CERK: variants seen among roughly 807,000 people sequenced by gnomAD.
CERK encodes ceramide kinase.
Under a neutral mutation model 63.4 loss-of-function variants are expected in CERK, and 39 were observed. That is an observed-to-expected ratio of 0.61 (90% confidence interval 0.48 to 0.80). The LOEUF (loss-of-function observed/expected upper bound fraction) is 0.80. Among genes scored for constraint, CERK ranks in the 30% least tolerant of loss-of-function variants. The probability of loss-of-function intolerance (pLI) is 0.00; values close to 1 mark genes in which losing one functional copy is unlikely to be tolerated. For missense variants in CERK, 670 were observed against 714.1 expected (o/e 0.94, Z 0.70); for synonymous variants, 302 against 280.0 (o/e 1.08, Z -0.78).
chr22:46,728,515 G>A (rs2082930692), intron 1 of CERK, among the ~76,000 whole-genome samples: 1 of 152,204 alleles, frequency 6.6e-6, no homozygotes, highest in Admixed American at 6.5e-5. Context: ...GCGTCTCAGA[G>A]GGCTATGAGG....
Position 46,720,071 on chromosome 22 carries a change from C to T in CERK, c.379+15G>A. On this transcript the variant is annotated intron_variant, in intron 3 of 12. Coordinates refer to ENST00000216264, the MANE Select transcript of CERK (RefSeq NM_022766.6). ...ACCACGGCCATCCTGTCTCTCAGTC[C>T]AAACACACACGTACTCAGCTTCTCC... 6.2e-7 allele frequency: 1 copy of T among 1,611,880 alleles called. No homozygotes were observed. The highest frequency in any genetic ancestry group is 8.5e-7 in the Non-Finnish European group (1 of 1,179,054).
chr22:46,730,345 C>G (rs1035614412), intron 1 of CERK, among the ~76,000 whole-genome samples: 22 of 151,680 alleles, frequency 1.5e-4, no homozygotes, highest in Non-Finnish European at 4.4e-5. Context: ...TGCTTGAACC[C>G]AGGAGGTGGA....
chr22:46,712,271 C>G lies in CERK; in HGVS notation c.402G>C (p.Leu134=). The change falls in exon 4 of 13, where the codon CTG becomes CTC. Residue 134 remains leucine, a synonymous_variant. Transcript: ENST00000216264. ...TTCCTCCAAACGGGTTGATAAATAC[C>G]AGTAAATGCTTTGGTCTGGACGCTG... ...EKLTSRPKHL[L]VFINPFGGKG... is the part of the protein sequence containing the mutation. The G allele has an allele frequency of 6.2e-7, 1 of 1,613,992 alleles. No individual in the cohort carries two copies. The highest frequency in any genetic ancestry group is 8.5e-7 in the Non-Finnish European group (1 of 1,179,912).
intron 6 of CERK, among the ~76,000 whole-genome samples, chr22:46,705,240 G>A (rs531707966): frequency 2.6e-5 from 4 of 152,374 alleles, no homozygotes; most frequent in African/African-American, 9.6e-5. Flanking sequence ...TGTGGAAGAT[G>A]CAGAGAGAGT....
chr22:46,684,675 T>C lies in CERK; in HGVS notation c.*2459A>G, dbSNP rs541194369. ...GGAAGCTAAAACTAGCCTTTCTAAG[T>C]TATCCTAAGTTTTTACTATCTAACC... On this transcript the variant is annotated 3_prime_UTR_variant, in exon 13 of 13. Coordinates refer to ENST00000216264, the MANE Select transcript of CERK (RefSeq NM_022766.6). The C allele has an allele frequency of 2.1e-4, 32 of 152,170 alleles. No homozygotes were observed. Among genetic ancestry groups the C allele is most frequent in the African/African-American group, 7.5e-4 (31 of 41,504 alleles). 9.4% of individuals were successfully genotyped at this position (152,170 alleles called of 1,614,324 possible). A position where few individuals can be genotyped will look rare whatever the true frequency, so the allele number is the denominator to read the frequency against.
chr22:46,706,955 G>T (rs2082815806), intron 6 of CERK, among the ~76,000 whole-genome samples: 1 of 152,196 alleles, frequency 6.6e-6, no homozygotes, highest in Non-Finnish European at 1.5e-5. Flanking sequence ...GCAGGTTAGA[G>T]TTGAGAGCGG....
chr22:46,716,906 G>A (rs1407057351), intron 3 of CERK, among the ~76,000 whole-genome samples: 1 of 151,652 alleles, frequency 6.6e-6, no homozygotes, highest in African/African-American at 2.4e-5. Context: ...CTGCCCTCCA[G>A]CCTGGGCAAC....
At chr22:46,703,894 C>G (rs188568608) in intron 6 of CERK, among the ~76,000 whole-genome samples, 10 of 151,348 alleles carry the variant, frequency 6.6e-5, no homozygotes, top group African/African-American at 1.9e-4. Flanking sequence ...TTCCTTGTCC[C>G]GAACACCCCC....
chr22:46,695,585 G>C (rs981332614), intron 8 of CERK, among the ~76,000 whole-genome samples: 3 of 152,246 alleles, frequency 2.0e-5, no homozygotes, highest in African/African-American at 7.2e-5. Context: ...GGCCACTCTT[G>C]ACGCTGGCAA....
chr22:46,699,165 C>T (rs979361658), intron 8 of CERK, 148 bp downstream of exon 8: 56 of 816,108 alleles, frequency 6.9e-5, no homozygotes, highest in African/African-American at 4.4e-4. Context: ...GTTCTGGCCC[C>T]GGCACATTTC....
chr22:46,700,142 C>G (rs1450553875), intron 7 of CERK, among the ~76,000 whole-genome samples: 2 of 152,064 alleles, frequency 1.3e-5, no homozygotes, highest in Non-Finnish European at 2.9e-5. Flanking sequence ...GTAAGTAACC[C>G]CAGCACTTTG....
At chr22:46,698,278 G>A (rs1020359934) in intron 8 of CERK, among the ~76,000 whole-genome samples, 2 of 152,230 alleles carry the variant, frequency 1.3e-5, no homozygotes, top group African/African-American at 4.8e-5. Context: ...CGTGGCATTC[G>A]CTCCCACTCC....
intron 10 of CERK, among the ~76,000 whole-genome samples, chr22:46,692,883 C>T (rs2082738307): frequency 1.7e-5 from 2 of 117,102 alleles, no homozygotes; most frequent in South Asian, 2.6e-4. Flanking sequence ...CTAGCCTGGG[C>T]GACAAGAGTG....
chr22:46,702,435 G>C (rs990455497), intron 6 of CERK, among the ~76,000 whole-genome samples: 2 of 152,028 alleles, frequency 1.3e-5, no homozygotes, highest in African/African-American at 4.8e-5. Context: ...GGGATTACAG[G>C]CACGCGCCAC....
At position 46,699,474 on chromosome 22, in the gene CERK, G is replaced by C; in HGVS notation, c.791-9C>G. 1 of 1,613,814 alleles carries C rather than the reference G, an allele frequency of 6.2e-7. No individual in the cohort carries two copies. The highest frequency in any genetic ancestry group is 8.5e-7 in the Non-Finnish European group (1 of 1,179,780). ...CATGGCCAGCGAGTCCCCTGTGGGA[G>C]AGAACGGCCGTGAGGGAAGGCAGCC... On this transcript the variant is annotated splice_polypyrimidine_tract_variant and intron_variant, in intron 7 of 12. Coordinates refer to ENST00000216264, the MANE Select transcript of CERK (RefSeq NM_022766.6).
At chr22:46,706,576 G>C (rs1293314491) in intron 6 of CERK, among the ~76,000 whole-genome samples, 6 of 152,170 alleles carry the variant, frequency 3.9e-5, no homozygotes, top group Admixed American at 6.5e-5. Flanking sequence ...TCTCAGGTGA[G>C]TGACATTCTT....
At chr22:46,695,170 C>A in intron 9 of CERK, 40 bp downstream of exon 9, 1 of 1,039,266 alleles carries the variant, frequency 9.6e-7, no homozygotes, top group South Asian at 1.4e-5. Flanking sequence ...GCTTCATTTC[C>A]CGTCATTTGC....
chr22:46,719,959 G>A, intron 3 of CERK, 127 bp downstream of exon 3: 2 of 1,269,972 alleles, frequency 1.6e-6, no homozygotes, highest in East Asian at 4.8e-5. Flanking sequence ...AAGTCAGCCT[G>A]ACTCATCATG....
At chr22:46,701,459 C>T (rs925778538) in intron 7 of CERK, among the ~76,000 whole-genome samples, 177 bp downstream of exon 7, 9 of 152,222 alleles carry the variant, frequency 5.9e-5, no homozygotes, top group East Asian at 1.9e-4. Flanking sequence ...AACGTGGCCT[C>T]GGAGCTGCGT....
Sources: allele counts gnomAD v4.1 joint callset (sites outside exome capture counted in the v4.1 genomes callset), GRCh38; gene constraint gnomAD v4.1.1; transcripts MANE v1.5; gene names NCBI Gene and HGNC (gene_info 2026-07-23, HGNC 2026-07-21).